The following GOSR2 variants were observed in gnomAD, a reference collection of about 807,000 sequenced individuals.
The protein encoded by GOSR2 is 27 kDa Golgi SNARE protein.
A neutral mutation model predicts 27.9 loss-of-function variants in GOSR2; 20 were observed. That is an observed-to-expected ratio of 0.72 (90% CI 0.50 to 1.04). The LOEUF (loss-of-function observed/expected upper bound fraction) is 1.04, where lower values mean the gene tolerates loss of function less well. Ranked by LOEUF, GOSR2 falls within the 50% of genes least tolerant of loss-of-function variation. The probability of loss-of-function intolerance (pLI) is 0.00; values close to 1 mark genes in which losing one functional copy is unlikely to be tolerated. For missense variants in GOSR2, 261 were observed against 270.5 expected (o/e 0.97, Z 0.25); for synonymous variants, 91 against 98.8 (o/e 0.92, Z 0.47).
chr17:46,964,073 A>C (rs2091211092), intron 6 of GOSR2: 1 of 152,174 alleles, frequency 6.6e-6, no homozygotes, highest in Non-Finnish European at 1.5e-5. Flanking sequence ...TCAGCCTCCC[A>C]AAGTGCCGGG....
chr17:46,937,167 G>A (rs1380470150), intron 5 of GOSR2: 2 of 152,140 alleles, frequency 1.3e-5, no homozygotes, highest in Non-Finnish European at 2.9e-5. Context: ...GTTGGTTTAG[G>A]AATAAAATGC....
intron 6 of GOSR2, among the ~76,000 whole-genome samples, chr17:46,957,928 C>T (rs1312394691): frequency 6.6e-6 from 1 of 152,168 alleles, no homozygotes; most frequent in African/African-American, 2.4e-5. Flanking sequence ...GTGTGCCTAG[C>T]ATGGCAATGG....
At chr17:46,963,709 T>A (rs1025894216) in intron 6 of GOSR2, 7 of 152,230 alleles carry the variant, frequency 4.6e-5, no homozygotes, top group African/African-American at 1.7e-4. Flanking sequence ...AAAGAACATA[T>A]GTTCTTGACA....
At chr17:46,949,776 G>A (rs1050107666) in intron 6 of GOSR2, among the ~76,000 whole-genome samples, 4 of 152,176 alleles carry the variant, frequency 2.6e-5, no homozygotes, top group Non-Finnish European at 4.4e-5. Flanking sequence ...GAGCCTGGGC[G>A]GACGGTCTCA....
chr17:46,947,989 C>T (rs558355341), intron 6 of GOSR2, among the ~76,000 whole-genome samples: 226 of 152,302 alleles, frequency 1.5e-3, no homozygotes, highest in African/African-American at 5.1e-3. Context: ...AGGCTGGTCT[C>T]GATCTCCTGA....
In GOSR2 at chr17:46,940,842, T is replaced by G. The variant is rs1159578092; in HGVS notation, c.*2082T>G. ...CGGCTGGTGGACAGCAGCCAGTGTG[T>G]CTGGACACCCAGGGGCATTGAGACT... On this transcript the variant is annotated 3_prime_UTR_variant, in exon 6 of 6. Transcript: ENST00000640051. 7 of 1,452,760 alleles carry G rather than the reference T, an allele frequency of 4.8e-6. No individual in the cohort carries two copies. The highest frequency in any genetic ancestry group is 6.3e-6 in the Non-Finnish European group (7 of 1,104,434). The allele number at this position is 1,452,760 out of a possible 1,614,324, so 90.0% of individuals were successfully genotyped here. A position where few individuals can be genotyped will look rare whatever the true frequency, so the allele number is the denominator to read the frequency against.
chr17:46,939,011 C>T lies in GOSR2; in HGVS notation c.*251C>T. The T allele has an allele frequency of 2.3e-6, 3 of 1,329,492 alleles. No homozygotes were observed. The highest frequency in any genetic ancestry group is 2.9e-5 in the South Asian group (2 of 69,202). The allele number at this position is 1,329,492 out of a possible 1,614,324, so 82.4% of individuals were successfully genotyped here. On this transcript the variant is annotated 3_prime_UTR_variant, in exon 6 of 6. Transcript: ENST00000640051. ...AAGTCCCGGGTCTGTCTCTCTCACT[C>T]TCGCTCTCACTGGGGGAGGGAAAGA...
chr17:46,949,813 T>C (rs1224796490), intron 6 of GOSR2, among the ~76,000 whole-genome samples: 2 of 151,858 alleles, frequency 1.3e-5, no homozygotes, highest in Non-Finnish European at 2.9e-5. Flanking sequence ...AGCAAAGGGG[T>C]GTGCTCTGGG....
chr17:46,972,382 A>T (rs868061675), intron 6 of GOSR2, among the ~76,000 whole-genome samples: 1 of 152,154 alleles, frequency 6.6e-6, no homozygotes, highest in Non-Finnish European at 1.5e-5. Flanking sequence ...CCCTGCAAGG[A>T]GCTCTGGCTC....
intron 6 of GOSR2, chr17:46,964,876 G>A (rs1168892973): frequency 1.3e-5 from 2 of 152,326 alleles, no homozygotes; most frequent in Admixed American, 6.5e-5. Flanking sequence ...AAGAGCACCC[G>A]GCCCTGATGG....
intron 4 of GOSR2, 105 bp downstream of exon 4, chr17:46,932,304 G>C (rs778036992): frequency 7.5e-7 from 1 of 1,341,824 alleles, no homozygotes; most frequent in East Asian, 2.3e-5. Flanking sequence ...GAAGAAGACT[G>C]ATGATGAGGA....
intron 6 of GOSR2, among the ~76,000 whole-genome samples, chr17:46,958,608 C>A (rs2090873381): frequency 6.6e-6 from 1 of 152,158 alleles, no homozygotes; most frequent in Non-Finnish European, 1.5e-5. Flanking sequence ...TGAGATGTGC[C>A]AGTGGGATGT....
rs1397930735 is a variant in GOSR2 at position 46,929,580 on chromosome 17, G to T, written c.90G>T (p.Val30=). ...TGGAGACGGCAGACAAGCAGTCTGT[G>T]CACAGTGAGTAATTAACTGTGGAGA... is the stretch of plus-strand genomic sequence containing the variant. ...GRLETADKQS[V]HIVENEIQAS... Residue 30 remains valine, a synonymous_variant, in exon 2 of 6, where the codon GTG becomes GTT. Transcript: ENST00000640051. 1.4e-6 allele frequency: 2 copies of T among 1,475,538 alleles called. No individual in the cohort carries two copies. The highest frequency in any genetic ancestry group is 2.8e-5 in the African/African-American group (2 of 72,306). 91.4% of individuals were successfully genotyped at this position (1,475,538 alleles called of 1,614,324 possible). A position where few individuals can be genotyped will look rare whatever the true frequency, so the allele number is the denominator to read the frequency against.
At chr17:46,934,030 CT>C (rs1202113380) in intron 4 of GOSR2, among the ~76,000 whole-genome samples, 3 of 152,094 alleles carry the variant, frequency 2.0e-5, no homozygotes, top group Non-Finnish European at 2.9e-5. Context: ...GCTCTCACAG[CT>C]GGCGAGGACT....
chr17:46,968,822 C>A (rs1376945581), downstream of GOSR2: 1 of 152,270 alleles, frequency 6.6e-6, no homozygotes, highest in Non-Finnish European at 1.5e-5. Flanking sequence ...TCATTGAATG[C>A]AGAAGGGCCT....
intron 6 of GOSR2, among the ~76,000 whole-genome samples, chr17:46,950,109 A>T (rs944409057): frequency 2.6e-5 from 4 of 152,258 alleles, no homozygotes; most frequent in African/African-American, 7.2e-5. Context: ...ACCCACTTTC[A>T]TATCATAGGA....
chr17:46,926,171 A>G (rs1298714966), intron 1 of GOSR2, among the ~76,000 whole-genome samples: 1 of 152,334 alleles, frequency 6.6e-6, no homozygotes, highest in East Asian at 1.9e-4. Context: ...TTATCTCAAG[A>G]CCATGTTTTT....
At chr17:46,957,250 A>G (rs969832750) in intron 6 of GOSR2, among the ~76,000 whole-genome samples, 1 of 152,180 alleles carries the variant, frequency 6.6e-6, no homozygotes, top group East Asian at 1.9e-4. Context: ...GGTTGCAGTG[A>G]GCTGAGTTTA....
intron 6 of GOSR2, among the ~76,000 whole-genome samples, chr17:46,947,863 G>A (rs1476117845): frequency 6.6e-6 from 1 of 152,198 alleles, no homozygotes; most frequent in Non-Finnish European, 1.5e-5. Flanking sequence ...CCGCCTCCCG[G>A]GTTCAAGCGA....
Sources: allele counts gnomAD v4.1 joint callset (sites outside exome capture counted in the v4.1 genomes callset), GRCh38; gene constraint gnomAD v4.1.1; transcripts MANE v1.5; gene names NCBI Gene and HGNC (gene_info 2026-07-23, HGNC 2026-07-21).